NFIB: variants seen among roughly 807,000 people sequenced by gnomAD.
NFIB encodes nuclear factor I B.
Under a neutral mutation model 61.5 loss-of-function variants are expected in NFIB, and 11 were observed. The observed-to-expected ratio is 0.18, with a 90% CI of 0.11 to 0.30. The LOEUF is 0.30. Among genes scored for constraint, NFIB ranks in the 10% least tolerant of loss-of-function variants. The pLI, the probability that NFIB is intolerant of heterozygous loss-of-function variation, is 1.00. For missense variants in NFIB, 471 were observed against 608.9 expected (o/e 0.77, Z 2.38); for synonymous variants, 260 against 216.5 (o/e 1.20, Z -1.76).
At chr9:14,421,084 C>CAAAAAAAAA in the NFIB span, among the ~76,000 whole-genome samples, 5 of 135,822 alleles carry the variant, frequency 3.7e-5, no homozygotes, top group Non-Finnish European at 6.3e-5. Context: ...GGATCTTTGG[C>CAAAAAAAAA]AAAAAAAAAA....
chr9:14,261,018 A>C (rs1191668550), intron 2 of NFIB, among the ~76,000 whole-genome samples: 2 of 152,174 alleles, frequency 1.3e-5, no homozygotes, highest in African/African-American at 4.8e-5. Flanking sequence ...AGACAACAGC[A>C]TTTAAGACTG....
chr9:14,156,718 C>T (rs1289860470), intron 3 of NFIB, among the ~76,000 whole-genome samples: 2 of 152,100 alleles, frequency 1.3e-5, no homozygotes, highest in Non-Finnish European at 2.9e-5. Flanking sequence ...ACCCAGCCCA[C>T]CCCATTCTCA....
At chr9:14,133,032 T>C (rs1240961380) in intron 6 of NFIB, among the ~76,000 whole-genome samples, 2 of 152,158 alleles carry the variant, frequency 1.3e-5, no homozygotes, top group Non-Finnish European at 2.9e-5. Flanking sequence ...GGAAAGAACA[T>C]ACATAAGCAC....
intron 2 of NFIB, among the ~76,000 whole-genome samples, chr9:14,281,262 A>G (rs1271945005): frequency 2.0e-5 from 3 of 152,212 alleles, no homozygotes; most frequent in African/African-American, 7.2e-5. Context: ...ATAGAGCATG[A>G]ATATCAGGCT....
chr9:14,292,262 G>A (rs1038362290), intron 2 of NFIB, among the ~76,000 whole-genome samples: 6 of 152,116 alleles, frequency 3.9e-5, no homozygotes, highest in African/African-American at 1.4e-4. Context: ...ACTGTAAAGT[G>A]AGAAGATCTG....
the NFIB span, among the ~76,000 whole-genome samples, chr9:14,457,153 G>C: frequency 2.6e-5 from 4 of 152,184 alleles, no homozygotes; most frequent in African/African-American, 7.2e-5. Flanking sequence ...ATACACGTAA[G>C]TACAGCATTT....
the NFIB span, among the ~76,000 whole-genome samples, chr9:14,425,607 A>T: frequency 2.0e-5 from 2 of 99,052 alleles, no homozygotes; most frequent in African/African-American, 3.8e-5. Context: ...TTGCTACATA[A>T]TTTTTTTTTT....
chr9:14,124,135 A>G (rs1236430300), intron 7 of NFIB, among the ~76,000 whole-genome samples: 1 of 152,162 alleles, frequency 6.6e-6, no homozygotes, highest in Non-Finnish European at 1.5e-5. Context: ...CAGAACAAAT[A>G]TCGGGTGAAG....
chr9:14,270,897 G>T (rs1214896110), intron 2 of NFIB, among the ~76,000 whole-genome samples: 1 of 152,122 alleles, frequency 6.6e-6, no homozygotes, highest in African/African-American at 2.4e-5. Flanking sequence ...TAGGTATGAA[G>T]CTGAGTCTCC....
At chr9:14,202,596 T>A (rs1239679808) in intron 2 of NFIB, among the ~76,000 whole-genome samples, 1 of 151,798 alleles carries the variant, frequency 6.6e-6, no homozygotes, top group Non-Finnish European at 1.5e-5. Context: ...AAAGCTAATT[T>A]AAAAAAATCA....
chr9:14,126,000 A>T (rs1478025694), intron 6 of NFIB, among the ~76,000 whole-genome samples: 1 of 152,200 alleles, frequency 6.6e-6, no homozygotes, highest in Non-Finnish European at 1.5e-5. Context: ...AATTATTCCC[A>T]TTACTAAATA....
chr9:14,153,252 AT>A (rs2043050024), intron 4 of NFIB, among the ~76,000 whole-genome samples: 1 of 152,152 alleles, frequency 6.6e-6, no homozygotes, highest in African/African-American at 2.4e-5. Context: ...CTGACACTAA[AT>A]GGGAGATACA....
At chr9:14,100,565 C>T (rs1431243942) in intron 10 of NFIB, among the ~76,000 whole-genome samples, 1 of 152,118 alleles carries the variant, frequency 6.6e-6, no homozygotes, top group Non-Finnish European at 1.5e-5. Flanking sequence ...AAAAAATTAG[C>T]CGGGCGTGGT....
chr9:14,495,445 A>ATTTTTTTTTTTTT, the NFIB span, among the ~76,000 whole-genome samples: 330 of 98,026 alleles, frequency 3.4e-3, 10 homozygotes, highest in East Asian at 6.9e-3. Context: ...AGAGAAATGA[A>ATTTTTTTTTTTTT]CTTTTTTTTT....
At chr9:14,195,895 C>CT (rs147407496) in intron 2 of NFIB, among the ~76,000 whole-genome samples, 3,715 of 148,710 alleles carry the variant, frequency 0.025, 199 homozygotes, top group East Asian at 0.18. Context: ...GTTTTTTAAA[C>CT]TTTTTTTTTT....
At chr9:14,232,629 G>A (rs2053323090) in intron 2 of NFIB, among the ~76,000 whole-genome samples, 1 of 152,156 alleles carries the variant, frequency 6.6e-6, no homozygotes, top group Non-Finnish European at 1.5e-5. Flanking sequence ...AAGTATTAGA[G>A]GGCTAAGGAT....
chr9:14,292,175 G>A (rs563454520), intron 2 of NFIB, among the ~76,000 whole-genome samples: 14 of 151,572 alleles, frequency 9.2e-5, no homozygotes, highest in African/African-American at 1.7e-4. Flanking sequence ...GATAATTTAC[G>A]TTTATTTTTC....
In NFIB at chr9:14,120,811, T is replaced by C. The variant is rs61327856; in HGVS notation, c.1061-187A>G. ...TATTCTCAACACCAGTACGGCTAAC[T>C]ACACAGAGATAAAACATCACTCTAG... On this transcript the variant is annotated intron_variant, in intron 7 of 10. Coordinates refer to ENST00000380953, the MANE Select transcript of NFIB (RefSeq NM_001190737.2). This position sits in a 1 kb window ranked among gnomAD's most constrained non-coding sequence, Gnocchi z 4.4. 0.08 allele frequency among the ~76,000 whole-genome samples: 12,232 copies of C among 152,156 alleles called. 1,618 individuals carry two copies. The highest frequency in any genetic ancestry group is 0.27 in the African/African-American group (11,386 of 41,436).
intron 10 of NFIB, among the ~76,000 whole-genome samples, chr9:14,108,047 A>G (rs1330392101): frequency 6.6e-6 from 1 of 152,146 alleles, no homozygotes; most frequent in East Asian, 1.9e-4. Flanking sequence ...TTTAAGAACT[A>G]GCCAAAGAGC....
Sources: gnomAD v4.1 joint callset for allele counts (sites outside exome capture counted in the v4.1 genomes callset) on GRCh38, gnomAD v4.1.1 for gene constraint, Gnocchi (gnomAD v3.1) non-coding constraint, MANE v1.5 for transcripts, NCBI Gene and HGNC (gene_info 2026-07-23, HGNC 2026-07-21) for gene names.